USF3: variants seen among roughly 807,000 people sequenced by gnomAD.
USF3 encodes the protein basic helix-loop-helix domain-containing protein USF3.
In USF3, 29 loss-of-function variants were observed where a neutral mutation model predicts 157.5. That is an observed-to-expected ratio of 0.18 (90% CI 0.14 to 0.25). USF3 has a LOEUF of 0.25. Ranked by LOEUF, USF3 falls within the 10% of genes least tolerant of loss-of-function variation. The probability of loss-of-function intolerance (pLI) is 1.00; values close to 1 mark genes in which losing one functional copy is unlikely to be tolerated. For synonymous variants in USF3, 893 were observed against 941.4 expected (o/e 0.95, Z 0.94); for missense variants, 2,381 against 2,667.6 (o/e 0.89, Z 2.37).
intron 1 of USF3, among the ~76,000 whole-genome samples, chr3:113,694,219 T>A (rs903751434): frequency 1.3e-5 from 2 of 152,214 alleles, no homozygotes; most frequent in African/African-American, 4.8e-5. Context: ...TAAGACCCTG[T>A]TTATAAGCAA....
chr3:113,680,798 C>CAAAA (rs527515104), intron 1 of USF3, among the ~76,000 whole-genome samples: 5 of 113,542 alleles, frequency 4.4e-5, no homozygotes, highest in Admixed American at 1.8e-4. Context: ...ATACTGTCTC[C>CAAAA]AAAAAAAAAA....
chr3:113,663,084 C>G (rs922181506), intron 6 of USF3, among the ~76,000 whole-genome samples: 2 of 149,676 alleles, frequency 1.3e-5, no homozygotes, highest in Non-Finnish European at 1.5e-5. Context: ...ATGGAAGAAG[C>G]CACTGAGAGA....
chr3:113,653,623 A>C lies in USF3; in HGVS notation c.*1321T>G, dbSNP rs1446948561. On this transcript the variant is annotated 3_prime_UTR_variant, in exon 7 of 7. Coordinates refer to ENST00000316407, the MANE Select transcript of USF3 (RefSeq NM_001009899.4). ...ATCTATTAAAAAAAAAAAAAAAAAA[A>C]AAACCCTACCTATATCAAGTTCTTC... The C allele has an allele frequency of 1.3e-5, 2 of 151,838 alleles. No individual in the cohort carries two copies. The highest frequency in any genetic ancestry group is 2.4e-5 in the African/African-American group (1 of 41,286). 9.4% of individuals were successfully genotyped at this position (151,838 alleles called of 1,614,324 possible).
intron 5 of USF3, among the ~76,000 whole-genome samples, chr3:113,668,019 G>C (rs1947596794): frequency 6.6e-6 from 1 of 152,116 alleles, no homozygotes; most frequent in South Asian, 2.1e-4. Flanking sequence ...TACTGGGAAG[G>C]CTCAACACTG....
intron 1 of USF3, among the ~76,000 whole-genome samples, chr3:113,678,936 G>A (rs1707344441): frequency 1.3e-5 from 2 of 151,542 alleles, no homozygotes; most frequent in South Asian, 4.1e-4. Context: ...TTGTAGAGAT[G>A]GGATCTCACT....
chr3:113,661,227 T>C lies in USF3; in HGVS notation c.455A>G (p.Asn152Ser), dbSNP rs755568271. 6.2e-6 allele frequency: 10 copies of C among 1,614,018 alleles called. No individual in the cohort carries two copies. The East Asian group carries it at 8.9e-5, about 14-fold the overall frequency. ...QVQKKIIVYS[N>S]GNQPGGNSQG... ...GCTGTTTCCACCAGGCTGATTCCCG[T>C]TGGAATAAACAATAATTTTTTTTTG... Residue 152 changes from asparagine (N) to serine (S), a missense_variant, in exon 7 of 7, where the codon AAC becomes AGC. By Grantham distance (46) the Asn-to-Ser change is conservative. Transcript: ENST00000316407.
intron 5 of USF3, among the ~76,000 whole-genome samples, chr3:113,667,323 T>C (rs1164313801): frequency 6.6e-6 from 1 of 152,238 alleles, no homozygotes; most frequent in East Asian, 1.9e-4. Flanking sequence ...GCTCTGCTTC[T>C]GATAGCCAAA....
intron 1 of USF3, among the ~76,000 whole-genome samples, chr3:113,678,349 T>C (rs1264424292): frequency 6.6e-6 from 1 of 152,150 alleles, no homozygotes; most frequent in African/African-American, 2.4e-5. Flanking sequence ...ATTTTTTTTT[T>C]CTGGGCTCAG....
Position 113,658,054 on chromosome 3 carries a change from G to A in USF3, c.3628C>T (p.Leu1210Phe), listed in dbSNP as rs770082692. Residue 1210 changes from leucine to phenylalanine, a missense_variant, in exon 7 of 7, where the codon CTT becomes TTT. Coordinates refer to ENST00000316407, the MANE Select transcript of USF3 (RefSeq NM_001009899.4). ...GSIEATMERPLEKPSCSLGIK... is the reference protein window; with the variant it reads ...GSIEATMERPFEKPSCSLGIK... ...CCTAGAGAACAACTTGGTTTCTCAA[G>A]GGGCCTCTCCATAGTTGCTTCAATT... 1.9e-6 allele frequency: 3 copies of A among 1,614,164 alleles called. No homozygotes were observed. In the East Asian group the frequency reaches 6.7e-5, roughly 36 times the overall value.
Position 113,659,143 on chromosome 3 carries a change from C to A in USF3, c.2539G>T (p.Val847Leu). 1 of 1,614,206 alleles carries A rather than the reference C, an allele frequency of 6.2e-7. No homozygotes were observed. Among genetic ancestry groups the A allele is most frequent in the African/African-American group, 1.3e-5 (1 of 75,050 alleles). Residue 847 changes from valine to leucine, a missense_variant, in exon 7 of 7, where the codon GTG becomes TTG. Val to Leu is a conservative substitution (Grantham distance 32). Coordinates refer to ENST00000316407, the MANE Select transcript of USF3 (RefSeq NM_001009899.4). ...TGAGACACAGAGACAGATGGTAACACAGCAGGGAAGCTTTCTAGCAGTCCA... is the reference window on the plus strand; with the variant it reads ...TGAGACACAGAGACAGATGGTAACAAAGCAGGGAAGCTTTCTAGCAGTCCA... The part of the protein sequence containing the change: ...NDGLLESFPA[V>L]LPSVSVSQAN...
intron 1 of USF3, among the ~76,000 whole-genome samples, chr3:113,688,986 A>G (rs973842324): frequency 1.3e-5 from 2 of 152,104 alleles, no homozygotes; most frequent in African/African-American, 2.4e-5. Flanking sequence ...AGCCGAGATC[A>G]TGCCACTGCA....
chr3:113,680,687 C>G (rs562635552), intron 1 of USF3, among the ~76,000 whole-genome samples: 1 of 151,298 alleles, frequency 6.6e-6, no homozygotes, highest in Non-Finnish European at 1.5e-5. Context: ...TGGCACATGC[C>G]TGTAATTTAA....
intron 1 of USF3, among the ~76,000 whole-genome samples, chr3:113,680,053 C>CTTGTTTTTT (rs1707374767): frequency 1.7e-5 from 1 of 58,618 alleles, no homozygotes; most frequent in African/African-American, 7.1e-5. Flanking sequence ...CTGTAGTTTT[C>CTTGTTTTTT]TTTTTTTTTT....
chr3:113,692,231 A>C (rs1373613034), intron 1 of USF3, among the ~76,000 whole-genome samples: 1 of 152,190 alleles, frequency 6.6e-6, no homozygotes, highest in Non-Finnish European at 1.5e-5. Context: ...ACCCTTCTTC[A>C]TACTCCCAAA....
In USF3 at chr3:113,656,836, C is replaced by T. The variant is rs1377685600; in HGVS notation, c.4846G>A (p.Val1616Ile). Residue 1616 changes from valine to isoleucine, a missense_variant, in exon 7 of 7, where the codon GTT becomes ATT. By Grantham distance (29) the Val-to-Ile change is conservative. Transcript: ENST00000316407. The stretch of plus-strand genomic sequence containing the variant: ...TGGCCAGATACATGTTCAGATGAAA[C>T]CCCTGAACCTTGCTGTCTGCTTCCA... ...DVGSRQQGSG[V>I]SSEHVSGHNP... 1.2e-6 allele frequency: 2 copies of T among 1,614,072 alleles called. No homozygotes were observed. Among genetic ancestry groups the T allele is most frequent in the Non-Finnish European group, 8.5e-7 (1 of 1,180,046 alleles).
In USF3 at chr3:113,656,700, T is replaced by C. The variant is rs775632166; in HGVS notation, c.4982A>G (p.Glu1661Gly). The change falls in exon 7 of 7, where the codon GAG (glutamate) becomes GGG (glycine). Residue 1661 changes from glutamate (E) to glycine (G), a missense_variant. This residue lies in a region of USF3 where 770 missense variants were observed against 824.2 expected (regional missense o/e 0.93). Coordinates refer to ENST00000316407, the MANE Select transcript of USF3 (RefSeq NM_001009899.4). The part of the protein sequence containing the change: ...SDMTCTPHRP[E>G]RNRVSSYSAE... ...AGAATAACTTGAAACTCTATTTCTC[T>C]CTGGCCTGTGTGGAGTACAGGTCAT... 6.2e-7 allele frequency: 1 copy of C among 1,614,172 alleles called. No homozygotes were observed. Among genetic ancestry groups the C allele is most frequent in the Admixed American group, 1.7e-5 (1 of 60,032 alleles).
chr3:113,695,424 C>T (rs1707776845), intron 1 of USF3, among the ~76,000 whole-genome samples: 1 of 152,132 alleles, frequency 6.6e-6, no homozygotes, highest in African/African-American at 2.4e-5. Context: ...AAAGAGCAAA[C>T]CTGGGAATAT....
chr3:113,683,451 A>C (rs1276890510), intron 1 of USF3, among the ~76,000 whole-genome samples: 1 of 136,090 alleles, frequency 7.3e-6, no homozygotes, highest in Non-Finnish European at 1.6e-5. Context: ...CTACACTTAC[A>C]TTTTATCCCC....
In USF3 at chr3:113,651,744, C is replaced by T. The variant is rs1181344059; in HGVS notation, c.*3200G>A. ...AAGCCATGTATGAACTGAAGTCTTA[C>T]ATACACATGCATACATCTGTAAAGT... On this transcript the variant is annotated 3_prime_UTR_variant, in exon 7 of 7. Transcript: ENST00000316407. The T allele has an allele frequency of 6.6e-6, 1 of 152,180 alleles. No individual in the cohort carries two copies. The highest frequency in any genetic ancestry group is 2.4e-5 in the African/African-American group (1 of 41,448). The allele number at this position is 152,180 out of a possible 1,614,324, so 9.4% of individuals were successfully genotyped here.
Sources: gnomAD v4.1 joint callset for allele counts (sites outside exome capture counted in the v4.1 genomes callset) on GRCh38, gnomAD v4.1.1 for gene constraint, gnomAD v4.1.1 regional missense constraint, MANE v1.5 for transcripts, NCBI Gene and HGNC (gene_info 2026-07-23, HGNC 2026-07-21) for gene names.